The following NME8 variants were observed in gnomAD, a reference collection of about 807,000 sequenced individuals.
NME8 encodes the protein protein NME8.
Under a neutral mutation model 82.3 loss-of-function variants are expected in NME8, and 72 were observed. The ratio of observed to expected loss-of-function variants is 0.87; its 90% CI spans 0.72 to 1.06. The LOEUF is 1.06. Ranked by LOEUF, NME8 falls within the 50% of genes least tolerant of loss-of-function variation. NME8 has a pLI of 0.00. For synonymous variants in NME8, 267 were observed against 228.5 expected (o/e 1.17, Z -1.52); for missense variants, 712 against 685.4 (o/e 1.04, Z -0.43).
chr7:37,883,918 A>G (rs1000092304), intron 12 of NME8, among the ~76,000 whole-genome samples: 2 of 152,048 alleles, frequency 1.3e-5, no homozygotes, highest in African/African-American at 4.8e-5. Context: ...AATTATTTGC[A>G]ATGACTTCCA....
chr7:37,869,088 G>A (rs1281569210), intron 11 of NME8, among the ~76,000 whole-genome samples: 1 of 152,172 alleles, frequency 6.6e-6, no homozygotes, highest in Non-Finnish European at 1.5e-5. Flanking sequence ...TTTTCTGGCT[G>A]AGACTATCCA....
intron 11 of NME8, among the ~76,000 whole-genome samples, chr7:37,870,988 C>T (rs1387352204): frequency 1.3e-5 from 2 of 152,194 alleles, no homozygotes; most frequent in Admixed American, 6.5e-5. Context: ...AAAAAACTCT[C>T]ATGCGTAATT....
chr7:37,883,702 G>C (rs1168455725), intron 12 of NME8, among the ~76,000 whole-genome samples: 1 of 152,116 alleles, frequency 6.6e-6, no homozygotes, highest in South Asian at 2.1e-4. Flanking sequence ...AGTCCCCAGT[G>C]TATTTCCTAT....
At chr7:37,863,802 CT>C (rs1415979714) in intron 8 of NME8, among the ~76,000 whole-genome samples, 1 of 152,160 alleles carries the variant, frequency 6.6e-6, no homozygotes, top group Non-Finnish European at 1.5e-5. Flanking sequence ...GACCCATACT[CT>C]TGGTTTACTT....
At chr7:37,897,845 C>G (rs1785254201) in intron 17 of NME8, among the ~76,000 whole-genome samples, 1 of 152,098 alleles carries the variant, frequency 6.6e-6, no homozygotes, top group Non-Finnish European at 1.5e-5. Flanking sequence ...GGACATGATC[C>G]TTTTGATGGC....
Position 37,864,419 on chromosome 7 carries a change from AAAGT to A in NME8, c.528+5_528+8del. ...TAAAAAAGTTCTAGAAATTAAAAGA[AAAGT>A]AAGTAATATTTTCCAACTATGATTA... On this transcript the variant is annotated splice_donor_variant and coding_sequence_variant, in exon 9 of 18. Coordinates refer to ENST00000199447, the MANE Select transcript of NME8 (RefSeq NM_016616.5). LOFTEE classifies it high-confidence loss of function. 2 of 1,572,302 alleles carry A rather than the reference AAAGT, an allele frequency of 1.3e-6. No individual in the cohort carries two copies. Among genetic ancestry groups the A allele is most frequent in the South Asian group, 1.1e-5 (1 of 89,462 alleles).
chr7:37,865,440 G>A, intron 9 of NME8, 85 bp from the exon 10 acceptor site: 1 of 865,738 alleles, frequency 1.2e-6, no homozygotes, highest in Non-Finnish European at 2.0e-6. Context: ...GAAAGCTGGT[G>A]GTTTGTTAAG....
At chr7:37,856,318 C>A (rs1302500075) in intron 5 of NME8, among the ~76,000 whole-genome samples, 1 of 152,142 alleles carries the variant, frequency 6.6e-6, no homozygotes, top group Non-Finnish European at 1.5e-5. Flanking sequence ...AAAATCAAAG[C>A]TTTTATTTAA....
At chr7:37,860,522 T>G (rs113734317) in intron 6 of NME8, among the ~76,000 whole-genome samples, 21 of 152,322 alleles carry the variant, frequency 1.4e-4, no homozygotes, top group African/African-American at 4.6e-4. Context: ...TGGTTTTCCT[T>G]TCACCTTCCT....
At position 37,890,087 on chromosome 7, in the gene NME8, T is replaced by C. The variant is rs139800288; in HGVS notation, c.1399+1659T>C. Among the ~76,000 whole-genome samples the C allele has an allele frequency of 2.5e-4, 38 of 152,180 alleles. No homozygotes were observed. The East Asian group carries it at 6.2e-3, about 25-fold the overall frequency. On this transcript the variant is annotated intron_variant, in intron 15 of 17. Coordinates refer to ENST00000199447, the MANE Select transcript of NME8 (RefSeq NM_016616.5). ...GCCTTGGGGCCTGAATTCTGTATTG[T>C]TTGCTATCAGGACCACACACCCTGC...
At chr7:37,890,387 T>A (rs193085871) in intron 15 of NME8, among the ~76,000 whole-genome samples, 6 of 152,150 alleles carry the variant, frequency 3.9e-5, no homozygotes, top group African/African-American at 1.4e-4. Flanking sequence ...TATGTAATAA[T>A]CAAATCAGGG....
intron 11 of NME8, among the ~76,000 whole-genome samples, chr7:37,872,570 A>T (rs1052738805): frequency 6.6e-5 from 10 of 152,238 alleles, no homozygotes; most frequent in Non-Finnish European, 1.5e-4. Context: ...ACAAATTGTG[A>T]TTTGAATTAT....
rs912456375 is a variant in NME8 at position 37,862,253 on chromosome 7, T to C, written c.387+109T>C. ...ACCTCTAAAGGCTTTGAGTACTTTA[T>C]GTCTTTTAATTTTAAAAAAGTACAT... On this transcript the variant is annotated intron_variant, in intron 7 of 17. Coordinates refer to ENST00000199447, the MANE Select transcript of NME8 (RefSeq NM_016616.5). 5.4e-5 allele frequency: 41 copies of C among 754,128 alleles called. No individual in the cohort carries two copies. The Admixed American group carries it at 7.6e-4, about 14-fold the overall frequency. 46.7% of individuals were successfully genotyped at this position (754,128 alleles called of 1,614,324 possible).
intron 7 of NME8, 89 bp downstream of exon 7, chr7:37,862,233 T>C: frequency 1.2e-6 from 1 of 847,832 alleles, no homozygotes; most frequent in Non-Finnish European, 2.0e-6. Flanking sequence ...TAGGTACCTC[T>C]AAAGGCTTTG....
Position 37,896,991 on chromosome 7 carries a change from T to A in NME8, c.1666T>A (p.Phe556Ile), listed in dbSNP as rs757432890. ...TTCCCCTGACTCCATCCGAGCCCAG[T>A]TTGGAATAAGTAAATTGAAAAACAT... is the stretch of plus-strand genomic sequence containing the variant. Reference protein sequence around the residue: ...LLSPDSIRAQFGISKLKNIVH... With the variant: ...LLSPDSIRAQIGISKLKNIVH... Residue 556 changes from phenylalanine (F) to isoleucine (I), a missense_variant, in exon 17 of 18, where the codon TTT becomes ATT. Coordinates refer to ENST00000199447, the MANE Select transcript of NME8 (RefSeq NM_016616.5). The A allele has an allele frequency of 2.5e-6, 4 of 1,613,746 alleles. No individual in the cohort carries two copies. The highest frequency in any genetic ancestry group is 3.4e-6 in the Non-Finnish European group (4 of 1,179,882).
chr7:37,896,956 CA>C lies in NME8; in HGVS notation c.1635del (p.Lys545AsnfsTer14). On this transcript the variant is annotated frameshift_variant, in exon 17 of 18. Transcript: ENST00000199447. LOFTEE classifies it high-confidence loss of function. ...ATGGGCCCAACAGACCCAGAAGAAG[CA>C]AAATTACTTTCCCCTGACTCCATCC... is the stretch of plus-strand genomic sequence containing the variant. ...RLMGPTDPEE[A>X]KLLSPDSIRA... 1.9e-6 allele frequency: 3 copies of C among 1,613,792 alleles called. No homozygotes were observed. The highest frequency in any genetic ancestry group is 2.5e-6 in the Non-Finnish European group (3 of 1,179,844).
At chr7:37,851,119 G>A (rs1273330449) in intron 5 of NME8, among the ~76,000 whole-genome samples, 1 of 152,112 alleles carries the variant, frequency 6.6e-6, no homozygotes, top group East Asian at 1.9e-4. Context: ...ATTTTCCAGT[G>A]GCAATGATTT....
In NME8 at chr7:37,867,895, A is replaced by G. The variant is rs904617359; in HGVS notation, c.815A>G (p.Asp272Gly). ...VTPGMMKNKQ[D>G]SLQEYLERQH... Reference sequence around the variant, plus strand: ...CCTGGAATGATGAAGAACAAACAAGACAGGTATAGCTCAAGACCAGGAATT... The same window carrying G: ...CCTGGAATGATGAAGAACAAACAAGGCAGGTATAGCTCAAGACCAGGAATT... The change falls in exon 11 of 18, where the codon GAC becomes GGC. Residue 272 changes from aspartate to glycine, a missense_variant. Asp to Gly is a moderately conservative substitution (Grantham distance 94). Coordinates refer to ENST00000199447, the MANE Select transcript of NME8 (RefSeq NM_016616.5). The G allele has an allele frequency of 6.2e-6, 10 of 1,613,082 alleles. No individual in the cohort carries two copies. The East Asian group carries it at 8.9e-5, about 14-fold the overall frequency.
chr7:37,870,714 C>A (rs960510919), intron 11 of NME8, among the ~76,000 whole-genome samples: 2 of 152,074 alleles, frequency 1.3e-5, no homozygotes, highest in Non-Finnish European at 2.9e-5. Flanking sequence ...AACCTCATTG[C>A]AGGGTGGGTA....
Sources: gnomAD v4.1 joint callset for allele counts (sites outside exome capture counted in the v4.1 genomes callset) on GRCh38, gnomAD v4.1.1 for gene constraint, MANE v1.5 for transcripts, NCBI Gene and HGNC (gene_info 2026-07-23, HGNC 2026-07-21) for gene names.